Variants in ZNF394 observed in about 807,000 individuals in gnomAD.
ZNF394 encodes the protein zinc finger protein 99.
Under a neutral mutation model 21.8 loss-of-function variants are expected in ZNF394, and 19 were observed. That is an observed-to-expected ratio of 0.87 (90% CI 0.61 to 1.28). ZNF394 has a LOEUF of 1.28. Among genes scored for constraint, ZNF394 ranks in the 50% most tolerant of loss-of-function variants. ZNF394 has a pLI of 0.00. For missense variants in ZNF394, 683 were observed against 708.6 expected, an observed-to-expected ratio of 0.96 and a Z score of 0.41; for synonymous variants, 294 against 273.3, an observed-to-expected ratio of 1.08 and a Z score of -0.75.
chr7:99,494,739 A>C, intron 2 of ZNF394, 108 bp from the exon 3 acceptor site: 1 of 1,390,784 alleles, frequency 7.2e-7, no homozygotes, highest in South Asian at 1.7e-5. Context: ...TTTTTAATTA[A>C]TTAATTTATT....
chr7:99,498,580 C>A, intron 2 of ZNF394, 136 bp downstream of exon 2: 1 of 1,247,238 alleles, frequency 8.0e-7, no homozygotes, highest in Non-Finnish European at 1.1e-6. Context: ...AGTACAGAGG[C>A]TCCTGCTTGC....
chr7:99,486,646 AGTG>A, exon 2 of ZNF394: 1 of 1,614,252 alleles, frequency 6.2e-7, no homozygotes, highest in Non-Finnish European at 8.5e-7. Context: ...TTTCCCTACT[AGTG>A]GTGATGAATA....
At chr7:99,492,024 G>A (rs1800173076), downstream of ZNF394, among the ~76,000 whole-genome samples, 1 of 138,830 alleles carries the variant, frequency 7.2e-6, no homozygotes, top group Non-Finnish European at 1.5e-5. Context: ...AGTGAGCCGA[G>A]ATTGCGCCAC....
intron 1 of ZNF394, chr7:99,487,243 G>A (rs762690522): frequency 8.1e-6 from 13 of 1,614,188 alleles, no homozygotes; most frequent in Non-Finnish European, 1.1e-5. Flanking sequence ...TAAATGCAGT[G>A]AATGTGGACA....
intron 2 of ZNF394, among the ~76,000 whole-genome samples, chr7:99,497,373 G>A (rs1584147024): frequency 6.7e-6 from 1 of 149,868 alleles, no homozygotes; most frequent in Middle Eastern, 3.4e-3. Context: ...GTAGAGACAG[G>A]GTTTCACCGT....
downstream of ZNF394, among the ~76,000 whole-genome samples, chr7:99,489,674 T>G (rs1033973433): frequency 6.6e-6 from 1 of 152,302 alleles, no homozygotes. Context: ...AAAGTGTCAA[T>G]TATGTTCTCT....
At position 99,499,886 on chromosome 7, in the gene ZNF394, G is replaced by A. The variant is rs1252605513; in HGVS notation, c.208C>T (p.Leu70=). Residue 70 remains leucine (L), a synonymous_variant, in exon 1 of 3, where the codon CTG becomes TTG. Coordinates refer to ENST00000337673, the MANE Select transcript of ZNF394 (RefSeq NM_032164.4). ...GGTCCAGCCACCTCCTGGTAACGCAGCTGCCTAAAGTGCAGTCGAGAAGTT... is the reference window on the plus strand; with the variant it reads ...GGTCCAGCCACCTCCTGGTAACGCAACTGCCTAAAGTGCAGTCGAGAAGTT... ...PETSRLHFRQ[L]RYQEVAGPEE... 10 of 1,614,056 alleles carry A rather than the reference G, an allele frequency of 6.2e-6. No homozygotes were observed. The South Asian group carries it at 8.8e-5, about 14-fold the overall frequency.
chr7:99,487,009 C>T (rs758015760), intron 1 of ZNF394: 20 of 1,613,890 alleles, frequency 1.2e-5, no homozygotes, highest in Non-Finnish European at 1.4e-5. Context: ...AAAGTGTTTT[C>T]GGCAGCTCGC....
rs1554380777 is a variant in ZNF394, at chr7:99,497,155, T to TAAAA, written c.583+1557_583+1560dup. Among the ~76,000 whole-genome samples, 11 of 132,622 alleles carry TAAAA rather than the reference T, an allele frequency of 8.3e-5. No individual in the cohort carries two copies. The East Asian group carries it at 2.4e-3, about 28-fold the overall frequency. The allele number at this position is 132,622 out of a possible 152,430, so 87.0% of individuals were successfully genotyped here. ...ATATATATATATGTATATATATATA[T>TAAAA]AAAATGTTTTTTCTTTTTTTTTTGA... On this transcript the variant is annotated intron_variant, in intron 2 of 2. Transcript: ENST00000337673.
chr7:99,492,273 A>G (rs577348213), downstream of ZNF394, among the ~76,000 whole-genome samples: 1 of 152,128 alleles, frequency 6.6e-6, no homozygotes, highest in Non-Finnish European at 1.5e-5. Context: ...TCTAAGGCCA[A>G]AGGCAAATTT....
chr7:99,487,697 T>C (rs1800049174), intron 1 of ZNF394: 1 of 533,050 alleles, frequency 1.9e-6, no homozygotes, highest in South Asian at 2.9e-5. Context: ...CTACAAAAAA[T>C]AACAAAGCCA....
intron 1 of ZNF394, chr7:99,487,540 C>G: frequency 1.3e-6 from 2 of 1,543,680 alleles, no homozygotes; most frequent in Non-Finnish European, 8.7e-7. Flanking sequence ...ACCTCTACTT[C>G]AAGTGTGTAT....
intron 2 of ZNF394, among the ~76,000 whole-genome samples, chr7:99,496,143 G>A (rs901927675): frequency 4.0e-5 from 6 of 151,742 alleles, no homozygotes; most frequent in Non-Finnish European, 7.4e-5. Flanking sequence ...ATTTTAGTAG[G>A]TATTATAGTA....
rs58041091 is a variant in ZNF394 at position 99,494,734 on chromosome 7, A to AT, written c.584-104_584-103insA. On this transcript the variant is annotated intron_variant, in intron 2 of 2. Transcript: ENST00000337673. ...AACCCTCAAACCCCTTTTACTTTTT[A>AT]ATTAATTAATTTATTTTTTGAGACG... is the stretch of plus-strand genomic sequence containing the variant. 5.2e-5 allele frequency: 72 copies of AT among 1,392,928 alleles called. 1 individual carries two copies. In the Middle Eastern group the frequency reaches 8.0e-4, roughly 15 times the overall value. The allele number at this position is 1,392,928 out of a possible 1,614,324, so 86.3% of individuals were successfully genotyped here.
chr7:99,490,943 C>T (rs1800149415), downstream of ZNF394, among the ~76,000 whole-genome samples: 2 of 152,112 alleles, frequency 1.3e-5, no homozygotes, highest in African/African-American at 2.4e-5. Context: ...GCCACTATCA[C>T]CCAGAAGCCA....
intron 2 of ZNF394, among the ~76,000 whole-genome samples, chr7:99,497,116 GTGTGTGTATA>G (rs1208853111): frequency 9.0e-5 from 10 of 111,454 alleles, no homozygotes; most frequent in Admixed American, 4.4e-4. Context: ...GTGTGTGTGT[GTGTGTGTATA>G]TATATATATA....
At chr7:99,495,147 T>A (rs1800265361) in intron 2 of ZNF394, among the ~76,000 whole-genome samples, 1 of 151,696 alleles carries the variant, frequency 6.6e-6, no homozygotes, top group Non-Finnish European at 1.5e-5. Context: ...TGCCTCAGCC[T>A]CCCAAGTAGC....
chr7:99,492,938 C>T (rs921187736), downstream of ZNF394, among the ~76,000 whole-genome samples: 3 of 152,082 alleles, frequency 2.0e-5, no homozygotes, highest in East Asian at 3.9e-4. Context: ...AGGGCTACGA[C>T]GAGACCCAGT....
exon 2 of ZNF394, chr7:99,486,766 T>C (rs1186873339): frequency 3.7e-6 from 6 of 1,614,214 alleles, no homozygotes; most frequent in Non-Finnish European, 4.2e-6. Context: ...CAATCAAAGA[T>C]CTTTGCTTTT....
Sources: allele counts gnomAD v4.1 joint callset (sites outside exome capture counted in the v4.1 genomes callset), GRCh38; gene constraint gnomAD v4.1.1; transcripts MANE v1.5; gene names NCBI Gene and HGNC (gene_info 2026-07-23, HGNC 2026-07-21).